The following CDK12 variants were observed in gnomAD, a reference collection of about 807,000 sequenced individuals.
The protein encoded by CDK12 is cyclin dependent kinase 12.
Under a neutral mutation model 133.8 loss-of-function variants are expected in CDK12, and 17 were observed. The ratio of observed to expected loss-of-function variants is 0.13; its 90% CI spans 0.09 to 0.19. The LOEUF (loss-of-function observed/expected upper bound fraction) is 0.19, where lower values mean the gene tolerates loss of function less well. Among genes scored for constraint, CDK12 ranks in the 10% least tolerant of loss-of-function variants. CDK12 has a pLI of 1.00. For missense variants in CDK12, 1,508 were observed against 1,818.7 expected (o/e 0.83, Z 3.11); for synonymous variants, 694 against 683.6 (o/e 1.02, Z -0.24).
downstream of CDK12, among the ~76,000 whole-genome samples, chr17:39,535,371 T>C (rs79606675): frequency 5.9e-3 from 900 of 152,240 alleles, 14 homozygotes; most frequent in African/African-American, 0.02. Context: ...CTGGTGATGA[T>C]GAGAGTTGCT....
chr17:39,512,347 T>A (rs1408816087), intron 8 of CDK12, among the ~76,000 whole-genome samples: 2 of 152,222 alleles, frequency 1.3e-5, no homozygotes, highest in Admixed American at 1.3e-4. Flanking sequence ...GAAACTACTT[T>A]ACAGTTTGTT....
At chr17:39,494,439 T>A (rs2051908482) in intron 4 of CDK12, 85 bp from the exon 5 acceptor site, 1 of 1,140,904 alleles carries the variant, frequency 8.8e-7, no homozygotes, top group African/African-American at 1.5e-5. Flanking sequence ...TAAGTTTGTC[T>A]TCCAGAGCAA....
intron 5 of CDK12, among the ~76,000 whole-genome samples, chr17:39,500,987 C>T (rs370295180): frequency 3.3e-5 from 5 of 152,234 alleles, no homozygotes; most frequent in African/African-American, 7.2e-5. Context: ...CCGCCCTCCT[C>T]GGCCTCCCAA....
chr17:39,498,005 T>TTCTC (rs1258312790), intron 5 of CDK12, among the ~76,000 whole-genome samples: 4 of 92,066 alleles, frequency 4.3e-5, no homozygotes, highest in African/African-American at 1.3e-4. Flanking sequence ...CTTTCTCTCT[T>TTCTC]TCTTTCTTTT....
chr17:39,473,140 G>A (rs2049929829), intron 2 of CDK12, among the ~76,000 whole-genome samples: 1 of 151,232 alleles, frequency 6.6e-6, no homozygotes, highest in Admixed American at 6.6e-5. Context: ...CCCCCAAAAT[G>A]TCTTTATTGT....
chr17:39,495,325 G>A (rs1012741420), intron 5 of CDK12, among the ~76,000 whole-genome samples: 13 of 146,770 alleles, frequency 8.9e-5, no homozygotes, highest in Non-Finnish European at 1.5e-4. Context: ...TCATCCGCCC[G>A]CCTCGGCCCC....
Position 39,520,083 on chromosome 17 carries a change from C to G in CDK12, c.3091C>G (p.Pro1031Ala). 4.3e-6 allele frequency: 7 copies of G among 1,613,914 alleles called. No homozygotes were observed. The highest frequency in any genetic ancestry group is 5.9e-6 in the Non-Finnish European group (7 of 1,179,926). ...TGTCGAACTCAGCAAAATGGCTCCT[C>G]CAGAGTAAGTGCTGGTAGCCATGTT... The part of the protein sequence containing the change: ...KDVELSKMAP[P>A]DLPHWQDCHE... The change falls in exon 11 of 14, where the codon CCA becomes GCA. Residue 1031 changes from proline (P) to alanine (A), a missense_variant. Transcript: ENST00000447079.
chr17:39,481,617 G>A (rs565563342), intron 2 of CDK12, among the ~76,000 whole-genome samples: 1 of 130,464 alleles, frequency 7.7e-6, no homozygotes, highest in Admixed American at 8.1e-5. Flanking sequence ...GCACTTATGT[G>A]CTTGCTCGCT....
intron 8 of CDK12, among the ~76,000 whole-genome samples, chr17:39,513,873 G>T (rs569863541): frequency 6.6e-6 from 1 of 152,264 alleles, no homozygotes; most frequent in East Asian, 1.9e-4. Context: ...TGACAGTTCA[G>T]TGTGCAAATT....
At chr17:39,479,270 T>C (rs957490957) in intron 2 of CDK12, among the ~76,000 whole-genome samples, 5 of 128,566 alleles carry the variant, frequency 3.9e-5, no homozygotes, top group African/African-American at 1.5e-4. Context: ...ATCATGCCAC[T>C]GCACTCGAGC....
chr17:39,510,313 G>A (rs771138899), intron 7 of CDK12, among the ~76,000 whole-genome samples: 3 of 151,734 alleles, frequency 2.0e-5, no homozygotes, highest in Admixed American at 2.0e-4. Flanking sequence ...TAGAGGCGGG[G>A]TTTCACCATG....
intron 10 of CDK12, among the ~76,000 whole-genome samples, chr17:39,519,721 C>G (rs1283464811): frequency 6.6e-6 from 1 of 151,862 alleles, no homozygotes; most frequent in African/African-American, 2.4e-5. Context: ...TCCCAAATAG[C>G]TGAGACTACA....
intron 12 of CDK12, among the ~76,000 whole-genome samples, 177 bp downstream of exon 12, chr17:39,525,062 A>G (rs2054413037): frequency 6.6e-6 from 1 of 152,230 alleles, no homozygotes; most frequent in African/African-American, 2.4e-5. Context: ...TTTCGTACAT[A>G]TGGTCCAGAA....
chr17:39,510,461 A>G (rs1438222209), intron 7 of CDK12, among the ~76,000 whole-genome samples: 1 of 151,996 alleles, frequency 6.6e-6, no homozygotes, highest in East Asian at 1.9e-4. Context: ...GTATTCTGCA[A>G]GTTGCAACAA....
intron 2 of CDK12, among the ~76,000 whole-genome samples, chr17:39,487,490 A>G (rs1230613596): frequency 6.6e-6 from 1 of 152,092 alleles, no homozygotes; most frequent in Non-Finnish European, 1.5e-5. Context: ...ATCTTTTTCA[A>G]CCATCTGATA....
chr17:39,545,034 G>T (rs547179316), upstream of CDK12, among the ~76,000 whole-genome samples: 4 of 152,272 alleles, frequency 2.6e-5, no homozygotes, highest in East Asian at 7.7e-4. Context: ...CTGATTAATA[G>T]ATTCTCCCTT....
At chr17:39,539,049 A>C (rs2055288761), downstream of CDK12, among the ~76,000 whole-genome samples, 1 of 152,212 alleles carries the variant, frequency 6.6e-6, no homozygotes, top group South Asian at 2.1e-4. Flanking sequence ...GAGGAAGTAA[A>C]GAGTCAGCAT....
intron 2 of CDK12, among the ~76,000 whole-genome samples, chr17:39,488,545 A>AT (rs1292827676): frequency 6.6e-6 from 1 of 151,998 alleles, no homozygotes; most frequent in Non-Finnish European, 1.5e-5. Flanking sequence ...GGCAATTTAT[A>AT]TTTTTTACAG....
rs527837208 is a variant in CDK12 at position 39,480,381 on chromosome 17, T to C, written c.1931+8618T>C. On this transcript the variant is annotated intron_variant, in intron 2 of 13. Coordinates refer to ENST00000447079, the MANE Select transcript of CDK12 (RefSeq NM_016507.4). ...ATCTCTGAATCCCAAGTGATTCTCC[T>C]GCGTCACCCTCCCAAGTAGCTAGGA... Among the ~76,000 whole-genome samples, 4 of 151,974 alleles carry C rather than the reference T, an allele frequency of 2.6e-5. No homozygotes were observed. The East Asian group carries it at 5.8e-4, about 22-fold the overall frequency.
Sources: allele counts gnomAD v4.1 joint callset (sites outside exome capture counted in the v4.1 genomes callset), GRCh38; gene constraint gnomAD v4.1.1; transcripts MANE v1.5; gene names NCBI Gene and HGNC (gene_info 2026-07-23, HGNC 2026-07-21).